Variants in TPST2 observed in about 807,000 individuals in gnomAD.
TPST2 encodes tyrosylprotein sulfotransferase 2.
TPST2 carries 16 observed loss-of-function variants against 27.8 expected under a neutral mutation model. The observed-to-expected ratio is 0.58, with a 90% CI of 0.39 to 0.88. The LOEUF (loss-of-function observed/expected upper bound fraction) is 0.88. Among genes scored for constraint, TPST2 ranks in the 40% least tolerant of loss-of-function variants. The pLI, the probability that TPST2 is intolerant of heterozygous loss-of-function variation, is 0.00. For missense variants in TPST2, 464 were observed against 543.1 expected (o/e 0.85, Z 1.45); for synonymous variants, 229 against 231.7 (o/e 0.99, Z 0.10).
At chr22:26,589,893 A>ATCCCAGC (rs1928489078) in intron 1 of TPST2, among the ~76,000 whole-genome samples, 160 bp downstream of exon 1, 1 of 151,628 alleles carries the variant, frequency 6.6e-6, no homozygotes. Context: ...TGCCTCCCAG[A>ATCCCAGC]TCCCAGCTCC....
In TPST2 at chr22:26,523,190, A is replaced by AAAAC. The variant is rs71311575; in HGVS notation, c.*3081_*3084dup. On this transcript the variant is annotated 3_prime_UTR_variant, in exon 7 of 7. Coordinates refer to ENST00000338754, the MANE Select transcript of TPST2 (RefSeq NM_003595.5). The stretch of plus-strand genomic sequence containing the variant: ...AGCAACCAAGCGGGACTCTGTCTCC[A>AAAAC]AAACAAACAAACAAACAATCCTCCA... 0.35 allele frequency: 53,467 copies of AAAAC among 150,734 alleles called. 10,583 individuals carry two copies. Among genetic ancestry groups the AAAAC allele is most frequent in the Non-Finnish European group, 0.43 (28,858 of 67,474 alleles). 9.3% of individuals were successfully genotyped at this position (150,734 alleles called of 1,614,324 possible).
intron 5 of TPST2, among the ~76,000 whole-genome samples, chr22:26,528,856 C>G (rs560300440): frequency 6.6e-6 from 1 of 152,160 alleles, no homozygotes; most frequent in South Asian, 2.1e-4. Context: ...GTGGCGGGCA[C>G]CTGTAATCCT....
intron 1 of TPST2, among the ~76,000 whole-genome samples, chr22:26,574,059 G>C (rs1927736280): frequency 6.6e-6 from 1 of 152,138 alleles, no homozygotes; most frequent in Non-Finnish European, 1.5e-5. Flanking sequence ...TTTACAATTG[G>C]GGAACAGCCT....
chr22:26,541,610 C>A lies in TPST2; in HGVS notation c.21G>T (p.Arg7Ser), dbSNP rs977081087. 5.7e-6 allele frequency: 9 copies of A among 1,587,776 alleles called. No homozygotes were observed. Among genetic ancestry groups the A allele is most frequent in the Admixed American group, 5.2e-5 (3 of 57,504 alleles). Residue 7 changes from arginine to serine, a missense_variant, in exon 3 of 7, where the codon AGG becomes AGT. Transcript: ENST00000338754. This position sits in a 1 kb window ranked among gnomAD's most constrained non-coding sequence, Gnocchi z 5.9. Reference protein sequence around the residue: MRLSVRRVLLAAGCALV... With the variant: MRLSVRSVLLAAGCALV... ...GGGCGCAGCCGGCTGCCAGCAGCAC[C>A]CTCCGCACCGACAGGCGCATGCTGG...
At position 26,541,279 on chromosome 22, in the gene TPST2, G is replaced by A. The variant is rs1490815963; in HGVS notation, c.352C>T (p.Arg118Cys). Residue 118 changes from arginine to cysteine, a missense_variant, in exon 3 of 7, where the codon CGT (arginine) becomes TGT (cysteine). By Grantham distance (180) the Arg-to-Cys change is radical. Transcript: ENST00000338754. This position sits in a 1 kb window ranked among gnomAD's most constrained non-coding sequence, Gnocchi z 5.9. ...GCCTCATCCAGCCGCAGCTTCTCAC[G>A]GCCAGACTTGGACCAGGCCTGGCGC... ...AMRQAWSKSG[R>C]EKLRLDEAGV... 7.2e-6 allele frequency: 11 copies of A among 1,538,306 alleles called. No homozygotes were observed. The highest frequency in any genetic ancestry group is 3.8e-5 in the South Asian group (3 of 79,176).
At chr22:26,579,798 G>A (rs546703410) in intron 1 of TPST2, among the ~76,000 whole-genome samples, 2 of 152,094 alleles carry the variant, frequency 1.3e-5, no homozygotes, top group African/African-American at 4.8e-5. Context: ...CAGAGGCAGA[G>A]ACAGAGGGAG....
chr22:26,538,809 C>T (rs372994931), intron 3 of TPST2, among the ~76,000 whole-genome samples: 36 of 152,182 alleles, frequency 2.4e-4, no homozygotes, highest in African/African-American at 7.7e-4. Context: ...GGTGACAGAG[C>T]GAGACTCCGT....
At chr22:26,553,252 G>A (rs750832202) in intron 1 of TPST2, among the ~76,000 whole-genome samples, 7 of 151,896 alleles carry the variant, frequency 4.6e-5, no homozygotes, top group Non-Finnish European at 1.0e-4. Context: ...GTACAATTCG[G>A]GAAAACAAAT....
chr22:26,579,780 AAAAC>A (rs2147240094), intron 1 of TPST2, among the ~76,000 whole-genome samples: 1 of 152,206 alleles, frequency 6.6e-6, no homozygotes, highest in East Asian at 1.9e-4. Flanking sequence ...GAGAGAGAAA[AAAAC>A]AGACAGAGGC....
chr22:26,582,018 T>C (rs1602307095), intron 1 of TPST2, among the ~76,000 whole-genome samples: 1 of 152,294 alleles, frequency 6.6e-6, no homozygotes. Flanking sequence ...AATCTGCCAA[T>C]TTCTGATCCA....
chr22:26,586,119 T>TCTG (rs1928339355), intron 1 of TPST2, among the ~76,000 whole-genome samples: 1 of 152,122 alleles, frequency 6.6e-6, no homozygotes. Flanking sequence ...ACATCTTAGT[T>TCTG]CTGAATGGTC....
chr22:26,563,680 C>T (rs989002105), intron 1 of TPST2, among the ~76,000 whole-genome samples: 3 of 152,178 alleles, frequency 2.0e-5, no homozygotes, highest in Non-Finnish European at 2.9e-5. Flanking sequence ...AACAACACAC[C>T]ATTCAGTTAG....
Position 26,531,709 on chromosome 22 carries a change from T to TA in TPST2, c.1092+985dup, listed in dbSNP as rs551365150. Among the ~76,000 whole-genome samples, 46 of 152,314 alleles carry TA rather than the reference T, an allele frequency of 3.0e-4. No homozygotes were observed. The East Asian group carries it at 6.6e-3, about 22-fold the overall frequency. On this transcript the variant is annotated intron_variant, in intron 5 of 6. Transcript: ENST00000338754. The stretch of plus-strand genomic sequence containing the variant: ...CAGTTCTGACACCAGCTCCCAGACT[T>TA]ACTTAGCATCAGCTGCCACAGATTA...
intron 3 of TPST2, among the ~76,000 whole-genome samples, chr22:26,538,810 G>A (rs1169856242): frequency 3.3e-5 from 5 of 152,228 alleles, no homozygotes; most frequent in Admixed American, 6.5e-5. Flanking sequence ...GTGACAGAGC[G>A]AGACTCCGTC....
intron 1 of TPST2, among the ~76,000 whole-genome samples, chr22:26,562,997 T>C (rs917525673): frequency 1.3e-5 from 2 of 152,180 alleles, no homozygotes; most frequent in East Asian, 3.9e-4. Context: ...CGGATGCTGC[T>C]AAACATCTTA....
At position 26,523,024 on chromosome 22, in the gene TPST2, T is replaced by TA. The variant is rs1248273065; in HGVS notation, c.*3250dup. On this transcript the variant is annotated 3_prime_UTR_variant, in exon 7 of 7. Coordinates refer to ENST00000338754, the MANE Select transcript of TPST2 (RefSeq NM_003595.5). Reference sequence around the variant, plus strand: ...TGCAGTGAGCTGTGTTTGCAGGAGTTAGAGGTTGCAGTGAGCTGTGTTTGC... The same window carrying TA: ...TGCAGTGAGCTGTGTTTGCAGGAGTTAAGAGGTTGCAGTGAGCTGTGTTTGC... The TA allele has an allele frequency of 6.6e-6, 1 of 151,604 alleles. No individual in the cohort carries two copies. Among genetic ancestry groups the TA allele is most frequent in the Non-Finnish European group, 1.5e-5 (1 of 67,950 alleles). 9.4% of individuals were successfully genotyped at this position (151,604 alleles called of 1,614,324 possible).
intron 1 of TPST2, among the ~76,000 whole-genome samples, chr22:26,589,727 CAG>C (rs1569200812): frequency 6.6e-6 from 1 of 152,188 alleles, no homozygotes; most frequent in South Asian, 2.1e-4. Flanking sequence ...CCCTCCCCCC[CAG>C]TCCCCCCGCC....
chr22:26,557,317 C>A (rs745333741), intron 1 of TPST2, among the ~76,000 whole-genome samples: 1 of 152,232 alleles, frequency 6.6e-6, no homozygotes. Flanking sequence ...GCATCTACCC[C>A]AGACCCTTGG....
chr22:26,529,993 A>G (rs1296960914), intron 5 of TPST2, among the ~76,000 whole-genome samples: 5 of 152,206 alleles, frequency 3.3e-5, no homozygotes, highest in African/African-American at 1.2e-4. Flanking sequence ...TGACGTCAAG[A>G]AAGTAGCCAG....
Sources: gnomAD v4.1 joint callset for allele counts (sites outside exome capture counted in the v4.1 genomes callset) on GRCh38, gnomAD v4.1.1 for gene constraint, Gnocchi (gnomAD v3.1) non-coding constraint, MANE v1.5 for transcripts, NCBI Gene and HGNC (gene_info 2026-07-23, HGNC 2026-07-21) for gene names.